Variants in ABCB9 observed in about 807,000 individuals in gnomAD.
ABCB9 encodes the protein ATP binding cassette subfamily B member 9, also known as ABC-type oligopeptide transporter ABCB9.
In ABCB9, 36 loss-of-function variants were observed where a neutral mutation model predicts 62.0. That is an observed-to-expected ratio of 0.58 (90% CI 0.45 to 0.77). ABCB9 has a LOEUF of 0.77. Among genes scored for constraint, ABCB9 ranks in the 30% least tolerant of loss-of-function variants. The pLI is 0.00. For synonymous variants in ABCB9, 435 were observed against 461.4 expected, an observed-to-expected ratio of 0.94 and a Z score of 0.73; for missense variants, 943 against 1,054.7, an observed-to-expected ratio of 0.89 and a Z score of 1.47.
intron 9 of ABCB9, among the ~76,000 whole-genome samples, chr12:122,937,542 T>C (rs2035523923): frequency 6.6e-6 from 1 of 152,122 alleles, no homozygotes. Context: ...GGACTGACAA[T>C]GTTAGGTGTC....
chr12:122,966,834 A>C (rs1218738629), upstream of ABCB9, among the ~76,000 whole-genome samples: 1 of 152,226 alleles, frequency 6.6e-6, no homozygotes, highest in Non-Finnish European at 1.5e-5. Flanking sequence ...CCCTGGAGGG[A>C]CAGCCAGCCA....
At chr12:122,967,870 T>A (rs1020767903), upstream of ABCB9, among the ~76,000 whole-genome samples, 3 of 152,190 alleles carry the variant, frequency 2.0e-5, no homozygotes, top group African/African-American at 7.2e-5. Flanking sequence ...TAGAGGGGAA[T>A]TTGTTCAGAA....
Position 122,973,578 on chromosome 12 carries a change from GAAA to G in ABCB9, c.-88+1134_-88+1136del, listed in dbSNP as rs57853191. 6.4e-3 allele frequency among the ~76,000 whole-genome samples: 322 copies of G among 50,334 alleles called. 3 individuals are homozygous for G. Among genetic ancestry groups the G allele is most frequent in the African/African-American group, 0.022 (303 of 13,942 alleles). The allele number at this position is 50,334 out of a possible 152,430, so 33.0% of individuals were successfully genotyped here. On this transcript the variant is annotated intron_variant, in intron 1 of 11. Coordinates refer to the ABCB9 transcript ENST00000392439. ...AGAGCGAGACTCCGTCTCAAAAAAA[GAAA>G]AAAAAAAAAAAAAAAAAAAAAAAAA... is the stretch of plus-strand genomic sequence containing the variant.
At position 122,949,801 on chromosome 12, in the gene ABCB9, A is replaced by G. The variant is rs1488352042; in HGVS notation, c.834T>C (p.Asp278=). ...GGAAGGACCAACCTGTGCGGTTCTC[A>G]TCAAAGAAGCTTGTCTCCTGGGACA... ...SLVSQETSFF[D]ENRTGDLISR... Residue 278 remains aspartate, a synonymous_variant, in exon 4 of 12, where the codon GAT becomes GAC. Transcript: ENST00000280560. 6.2e-7 allele frequency: 1 copy of G among 1,613,936 alleles called. No homozygotes were observed. The highest frequency in any genetic ancestry group is 1.1e-5 in the South Asian group (1 of 91,086).
chr12:122,966,508 A>G (rs1216551111), upstream of ABCB9: 1 of 147,886 alleles, frequency 6.8e-6, no homozygotes. Context: ...GGCCTCAGTG[A>G]CGGAGGGGGC....
chr12:122,957,455 C>T (rs940157153), intron 2 of ABCB9, among the ~76,000 whole-genome samples: 2 of 152,162 alleles, frequency 1.3e-5, no homozygotes, highest in Non-Finnish European at 2.9e-5. Context: ...CAGGGCCACT[C>T]GGCTGGGTAG....
At chr12:122,942,152 C>T (rs938488488) in intron 7 of ABCB9, among the ~76,000 whole-genome samples, 4 of 152,094 alleles carry the variant, frequency 2.6e-5, no homozygotes, top group Non-Finnish European at 4.4e-5. Flanking sequence ...GTGGCAGAGC[C>T]AGGATTTGAA....
chr12:122,959,618 C>T lies in ABCB9; in HGVS notation c.601+17G>A. 6.5e-7 allele frequency: 1 copy of T among 1,527,048 alleles called. No homozygotes were observed. The highest frequency in any genetic ancestry group is 8.8e-7 in the Non-Finnish European group (1 of 1,136,580). The allele number at this position is 1,527,048 out of a possible 1,614,324, so 94.6% of individuals were successfully genotyped here. ...TTGATGTTCTGGTGGCCACATGTCC[C>T]CGAGGTCCTTACTTACCCAGAGCTG... On this transcript the variant is annotated intron_variant, in intron 2 of 11. Transcript: ENST00000280560. This position sits in a 1 kb window ranked among gnomAD's most constrained non-coding sequence, Gnocchi z 5.4.
intron 3 of ABCB9, among the ~76,000 whole-genome samples, 155 bp from the exon 4 acceptor site, chr12:122,950,073 G>A (rs1276297795): frequency 6.6e-6 from 1 of 152,140 alleles, no homozygotes; most frequent in African/African-American, 2.4e-5. Flanking sequence ...CCCAGTGGGA[G>A]CCCCCCTCAA....
At chr12:122,943,457 G>A (rs543348358) in intron 7 of ABCB9, among the ~76,000 whole-genome samples, 7 of 152,170 alleles carry the variant, frequency 4.6e-5, no homozygotes, top group African/African-American at 9.7e-5. Context: ...AGTCAGGCCC[G>A]GCTGGCCCTG....
intron 9 of ABCB9, among the ~76,000 whole-genome samples, chr12:122,939,250 C>A (rs1408762892): frequency 6.6e-6 from 1 of 152,180 alleles, no homozygotes. Flanking sequence ...TAGTGGGTTA[C>A]CACCCAGCAA....
chr12:122,940,069 G>A lies in ABCB9; in HGVS notation c.1743+42C>T. 1 of 1,577,094 alleles carries A rather than the reference G, an allele frequency of 6.3e-7. No individual in the cohort carries two copies. Among genetic ancestry groups the A allele is most frequent in the Non-Finnish European group, 8.6e-7 (1 of 1,159,778 alleles). ...CAGCTCACAAGAAAGACGGTTAGAT[G>A]CAGAAAGGGCGGAGAAGTGTGGCCC... is the stretch of plus-strand genomic sequence containing the variant. On this transcript the variant is annotated intron_variant, in intron 9 of 11. Transcript: ENST00000280560. This position sits in a 1 kb window ranked among gnomAD's most constrained non-coding sequence, Gnocchi z 4.8.
intron 6 of ABCB9, 136 bp downstream of exon 6, chr12:122,945,877 CAAAAAAAAAAAA>C (rs766455584): frequency 5.0e-5 from 24 of 477,636 alleles, no homozygotes; most frequent in Non-Finnish European, 7.1e-5. Context: ...GGCTCTGTCT[CAAAAAAAAAAAA>C]AAAAAAAAAG....
At chr12:122,933,487 G>T (rs975564995) in intron 10 of ABCB9, among the ~76,000 whole-genome samples, 7 of 152,016 alleles carry the variant, frequency 4.6e-5, no homozygotes, top group African/African-American at 1.7e-4. Context: ...CCGGGAGGAA[G>T]AGGTTGCCGT....
rs1007646219 is a variant in ABCB9 at position 122,947,386 on chromosome 12, C to A, written c.1054-1164G>T. ...AGAAGACTGTGGGGAGTGGCCTCAC[C>A]GGGGGCTGGGTGGGAGATGGCTTCC... On this transcript the variant is annotated intron_variant, in intron 5 of 11. Coordinates refer to ENST00000280560, the MANE Select transcript of ABCB9 (RefSeq NM_019625.4). The surrounding 1 kb of genome is among the most constrained non-coding windows in gnomAD (Gnocchi z 6.0). 10 of 396,270 alleles carry A rather than the reference C, an allele frequency of 2.5e-5. No individual in the cohort carries two copies. Among genetic ancestry groups the A allele is most frequent in the Middle Eastern group, 3.6e-4 (1 of 2,808 alleles). The allele number at this position is 396,270 out of a possible 1,614,324, so 24.5% of individuals were successfully genotyped here. A position where few individuals can be genotyped will look rare whatever the true frequency, so the allele number is the denominator to read the frequency against.
Position 122,948,694 on chromosome 12 carries a change from A to AG in ABCB9, c.982dup (p.Leu328ProfsTer57), listed in dbSNP as rs1376682169. ...GAAGCCCATGAAGGTGACCAAGGAG[A>AG]GCTGCCATGAGAGGCTGAACATGAA... On this transcript the variant is annotated frameshift_variant, in exon 5 of 12. Coordinates refer to ENST00000280560, the MANE Select transcript of ABCB9 (RefSeq NM_019625.4). LOFTEE classifies it high-confidence loss of function. The AG allele has an allele frequency of 6.2e-7, 1 of 1,614,028 alleles. No individual in the cohort carries two copies. The highest frequency in any genetic ancestry group is 1.7e-5 in the Admixed American group (1 of 60,008).
intron 7 of ABCB9, among the ~76,000 whole-genome samples, chr12:122,943,073 C>A (rs947651741): frequency 3.3e-5 from 5 of 152,088 alleles, no homozygotes; most frequent in Non-Finnish European, 5.9e-5. Context: ...TTTGTGGGAG[C>A]GAGGCAGACA....
rs1026126688 is a variant in ABCB9 at position 122,930,864 on chromosome 12, C to T, written c.2041-693G>A. Among the ~76,000 whole-genome samples, 2 of 152,078 alleles carry T rather than the reference C, an allele frequency of 1.3e-5. No individual in the cohort carries two copies. The highest frequency in any genetic ancestry group is 2.9e-5 in the Non-Finnish European group (2 of 68,028). The stretch of plus-strand genomic sequence containing the variant: ...TCTGTGTAACAAATGAATCAATCCG[C>T]GCATAGACTGAGGTTGCTAGCCATC... On this transcript the variant is annotated intron_variant, in intron 11 of 11. Transcript: ENST00000280560. This position sits in a 1 kb window ranked among gnomAD's most constrained non-coding sequence, Gnocchi z 4.9.
Position 122,932,066 on chromosome 12 carries a change from G to A in ABCB9, c.2040+126C>T. On this transcript the variant is annotated intron_variant, in intron 11 of 11. Transcript: ENST00000280560. The surrounding 1 kb of genome is among the most constrained non-coding windows in gnomAD (Gnocchi z 4.7). Reference sequence around the variant, plus strand: ...TCAACACCAGGAATTCACCAGCCCAGGAGGCTGATAGTCTGGGAGAGCTCC... The same window carrying A: ...TCAACACCAGGAATTCACCAGCCCAAGAGGCTGATAGTCTGGGAGAGCTCC... 1 of 1,487,558 alleles carries A rather than the reference G, an allele frequency of 6.7e-7. No individual in the cohort carries two copies. Among genetic ancestry groups the A allele is most frequent in the South Asian group, 1.2e-5 (1 of 82,348 alleles). The allele number at this position is 1,487,558 out of a possible 1,614,324, so 92.1% of individuals were successfully genotyped here.
Sources: gnomAD v4.1 joint callset for allele counts (sites outside exome capture counted in the v4.1 genomes callset) on GRCh38, gnomAD v4.1.1 for gene constraint, Gnocchi (gnomAD v3.1) non-coding constraint, MANE v1.5 for transcripts, NCBI Gene and HGNC (gene_info 2026-07-23, HGNC 2026-07-21) for gene names.